The following AMER1 variants were observed in gnomAD, a reference collection of about 807,000 sequenced individuals.
The protein encoded by AMER1 is RP11-403E24.2.
Under a neutral mutation model 53.0 loss-of-function variants are expected in AMER1, and 16 were observed. That is an observed-to-expected ratio of 0.30 (90% CI 0.20 to 0.46). AMER1 has a LOEUF of 0.46. AMER1 is among the 20% of genes least tolerant of loss of function. The probability of loss-of-function intolerance (pLI) is 1.00; values close to 1 mark genes in which losing one functional copy is unlikely to be tolerated. For missense variants in AMER1, 947 were observed against 884.9 expected (o/e 1.07, Z -0.89); for synonymous variants, 354 against 331.9 (o/e 1.07, Z -0.73).
rs1275105010 is a variant in AMER1, at chrX:64,190,072, A to T, written c.3215T>A (p.Leu1072Gln). 1 of 1,205,181 alleles carries T rather than the reference A, an allele frequency of 8.3e-7. No homozygotes were observed. Among genetic ancestry groups the T allele is most frequent in the African/African-American group, 1.7e-5 (1 of 57,675 alleles). ...GATGCCCACAGGCTTGGCCTGTGGT[A>T]GAGGGCTGGGGCTGAAGCCTCCAGA... ...SSSGGFSPSP[L>Q]PQAKPVGITH... The change falls in exon 2 of 2, where the codon CTA becomes CAA. Residue 1072 changes from leucine (L) to glutamine (Q), a missense_variant. Transcript: ENST00000374869.
rs1207642959 is a variant in AMER1 at position 64,188,976 on chromosome X, A to C, written c.*903T>G. The stretch of plus-strand genomic sequence containing the variant: ...AGTCACAAGCTTAAAAGAAGGAAAA[A>C]AAATCCTATCATTCCGGAGCTCAAC... On this transcript the variant is annotated 3_prime_UTR_variant, in exon 2 of 2. Coordinates refer to ENST00000374869, the MANE Select transcript of AMER1 (RefSeq NM_152424.4). The C allele has an allele frequency of 2.5e-6, 2 of 806,296 alleles. No individual in the cohort carries two copies. Among genetic ancestry groups the C allele is most frequent in the African/African-American group, 4.4e-5 (2 of 45,763 alleles). 66.4% of individuals were successfully genotyped at this position (806,296 alleles called of 1,213,427 possible). A position where few individuals can be genotyped will look rare whatever the true frequency, so the allele number is the denominator to read the frequency against.
rs1183734083 is a variant in AMER1, at chrX:64,185,226, A to G, written c.*4653T>C. 1 of 158,797 alleles carries G rather than the reference A, an allele frequency of 6.3e-6. No homozygotes were observed. The highest frequency in any genetic ancestry group is 3.0e-5 in the African/African-American group (1 of 33,028). The allele number at this position is 158,797 out of a possible 1,213,427, so 13.1% of individuals were successfully genotyped here. Reference sequence around the variant, plus strand: ...AGATATCCAGATGTCAGTGAGAGCTAGAAGTGGAGAGGTCAGAACCCGGGT... The same window carrying G: ...AGATATCCAGATGTCAGTGAGAGCTGGAAGTGGAGAGGTCAGAACCCGGGT... On this transcript the variant is annotated 3_prime_UTR_variant, in exon 2 of 2. Coordinates refer to ENST00000374869, the MANE Select transcript of AMER1 (RefSeq NM_152424.4).
intron 1 of AMER1, among the ~76,000 whole-genome samples, chrX:64,203,040 A>G (rs1437845548): frequency 9.0e-6 from 1 of 111,453 alleles, no homozygotes. Flanking sequence ...GGGTCTGCTT[A>G]TGCTTTGCCT....
At position 64,192,396 on chromosome X, in the gene AMER1, C is replaced by T. The variant is rs770015112; in HGVS notation, c.891G>A (p.Glu297=). Residue 297 remains glutamate (E), a synonymous_variant, in exon 2 of 2, where the codon GAG becomes GAA. Transcript: ENST00000374869. The stretch of plus-strand genomic sequence containing the variant: ...CCACAGGGCCATTGGGTGGGTTTAC[C>T]TCTCCTGCTACTACCTTCTCCCCTG... ...PETGEKVVAG[E]VNPPNGPVGD... is the part of the protein sequence containing the mutation. The T allele has an allele frequency of 1.6e-6, 2 of 1,212,233 alleles. No individual in the cohort carries two copies. Among genetic ancestry groups the T allele is most frequent in the Non-Finnish European group, 2.2e-6 (2 of 895,546 alleles).
chrX:64,189,793 A>AGGGGGGGGGG lies in AMER1; in HGVS notation c.*85_*86insCCCCCCCCCC. 23 of 291,987 alleles carry AGGGGGGGGGG rather than the reference A, an allele frequency of 7.9e-5. No individual in the cohort carries two copies. The highest frequency in any genetic ancestry group is 9.8e-5 in the Non-Finnish European group (20 of 204,752). 24.1% of individuals were successfully genotyped at this position (291,987 alleles called of 1,213,427 possible). ...CAAAGGGTTTTCAAGTTAAACAACA[A>AGGGGGGGGGG]CCCCCACCCCCCCACCCTTCTGCCC... On this transcript the variant is annotated 3_prime_UTR_variant, in exon 2 of 2. Coordinates refer to ENST00000374869, the MANE Select transcript of AMER1 (RefSeq NM_152424.4).
intron 1 of AMER1, among the ~76,000 whole-genome samples, chrX:64,201,820 A>C (rs1212501392): frequency 1.8e-5 from 2 of 111,588 alleles, no homozygotes; most frequent in South Asian, 3.8e-4. Context: ...ACGAGTGGAG[A>C]TGTAACAGTT....
chrX:64,188,167 T>A lies in AMER1; in HGVS notation c.*1712A>T, dbSNP rs1930145309. The A allele has an allele frequency of 1.2e-6, 1 of 802,246 alleles. No individual in the cohort carries two copies. Among genetic ancestry groups the A allele is most frequent in the Admixed American group, 7.7e-5 (1 of 13,028 alleles). 66.1% of individuals were successfully genotyped at this position (802,246 alleles called of 1,213,427 possible). ...TGTTCCCAAGCTAAATTGCCATATC[T>A]CAGGAATGGCAAGAACCCTGTTGAC... On this transcript the variant is annotated 3_prime_UTR_variant, in exon 2 of 2. Coordinates refer to ENST00000374869, the MANE Select transcript of AMER1 (RefSeq NM_152424.4).
chrX:64,189,796 C>CCCCCCCCCCCCA lies in AMER1; in HGVS notation c.*82_*83insTGGGGGGGGGGG. ...AGGGTTTTCAAGTTAAACAACAACCCCCACCCCCCCACCCTTCTGCCCAAC... is the reference window on the plus strand; with the variant it reads ...AGGGTTTTCAAGTTAAACAACAACCCCCCCCCCCCCCACCACCCCCCCACCCTTCTGCCCAAC... On this transcript the variant is annotated 3_prime_UTR_variant, in exon 2 of 2. Transcript: ENST00000374869. 8.1e-6 allele frequency: 1 copy of CCCCCCCCCCCCA among 123,744 alleles called. No individual in the cohort carries two copies. The highest frequency in any genetic ancestry group is 1.4e-5 in the Non-Finnish European group (1 of 72,712). The allele number at this position is 123,744 out of a possible 1,213,427, so 10.2% of individuals were successfully genotyped here.
rs1018461223 is a variant in AMER1 at position 64,186,849 on chromosome X, C to T, written c.*3030G>A. The T allele has an allele frequency of 7.8e-6, 6 of 771,314 alleles. No homozygotes were observed. The highest frequency in any genetic ancestry group is 8.4e-5 in the Admixed American group (1 of 11,876). 63.6% of individuals were successfully genotyped at this position (771,314 alleles called of 1,213,427 possible). On this transcript the variant is annotated 3_prime_UTR_variant, in exon 2 of 2. Coordinates refer to ENST00000374869, the MANE Select transcript of AMER1 (RefSeq NM_152424.4). ...AGGCCTACTAGGTGGCCTTCTCTAT[C>T]CACATTCACTGGTCCTCCAAGGACC...
At position 64,185,893 on chromosome X, in the gene AMER1, C is replaced by A; in HGVS notation, c.*3986G>T. On this transcript the variant is annotated 3_prime_UTR_variant, in exon 2 of 2. Transcript: ENST00000374869. The stretch of plus-strand genomic sequence containing the variant: ...TGGGGAAAGGGGACATGGTTGAAAC[C>A]CCCTTCCTTCCCCATTGGGTGGAGA... The A allele has an allele frequency of 2.8e-6, 1 of 352,278 alleles. No homozygotes were observed. 29.0% of individuals were successfully genotyped at this position (352,278 alleles called of 1,213,427 possible).
intron 1 of AMER1, among the ~76,000 whole-genome samples, chrX:64,197,218 T>TA (rs778598682): frequency 1.0e-3 from 113 of 112,403 alleles, no homozygotes; most frequent in Admixed American, 9.0e-3. Context: ...GGCTGGGGGT[T>TA]AAGAGAACCC....
chrX:64,186,641 C>T lies in AMER1; in HGVS notation c.*3238G>A. The T allele has an allele frequency of 1.3e-6, 1 of 773,536 alleles. No homozygotes were observed. The highest frequency in any genetic ancestry group is 1.5e-6 in the Non-Finnish European group (1 of 650,696). The allele number at this position is 773,536 out of a possible 1,213,427, so 63.7% of individuals were successfully genotyped here. ...CTCCTGAGTGTGTGAAGCTACTTCC[C>T]TTCTTGGCATAGGACTAAGGAGGGA... On this transcript the variant is annotated 3_prime_UTR_variant, in exon 2 of 2. Coordinates refer to ENST00000374869, the MANE Select transcript of AMER1 (RefSeq NM_152424.4).
Position 64,187,637 on chromosome X carries a change from T to C in AMER1, c.*2242A>G. Reference sequence around the variant, plus strand: ...CCTGCTGTGGCTGGCACAGTCCACATGTAGACAGGAGCTCAAGCTGCCCTG... The same window carrying C: ...CCTGCTGTGGCTGGCACAGTCCACACGTAGACAGGAGCTCAAGCTGCCCTG... On this transcript the variant is annotated 3_prime_UTR_variant, in exon 2 of 2. Transcript: ENST00000374869. The C allele has an allele frequency of 1.3e-6, 1 of 775,783 alleles. No homozygotes were observed. Among genetic ancestry groups the C allele is most frequent in the South Asian group, 6.7e-5 (1 of 15,007 alleles). The allele number at this position is 775,783 out of a possible 1,213,427, so 63.9% of individuals were successfully genotyped here. A position where few individuals can be genotyped will look rare whatever the true frequency, so the allele number is the denominator to read the frequency against.
rs1930203823 is a variant in AMER1 at position 64,189,919 on chromosome X, C to A, written c.3368G>T (p.Ser1123Ile). Residue 1123 changes from serine to isoleucine, a missense_variant, in exon 2 of 2, where the codon AGC (serine) becomes ATC (isoleucine). Ser to Ile is a moderately radical substitution (Grantham distance 142). Transcript: ENST00000374869. The stretch of plus-strand genomic sequence containing the variant: ...TCCATTCATGGCAGTGGAGGAGTAG[C>A]TGGTGGCAAGAGAGGCACCTTGCTC... Reference protein sequence around the residue: ...RAEQGASLATSYSSTAMNGNL... With the variant: ...RAEQGASLATIYSSTAMNGNL... 8.3e-7 allele frequency: 1 copy of A among 1,206,229 alleles called. No homozygotes were observed. Among genetic ancestry groups the A allele is most frequent in the South Asian group, 1.8e-5 (1 of 56,109 alleles).
intron 1 of AMER1, among the ~76,000 whole-genome samples, chrX:64,194,209 A>G (rs779260745): frequency 1.4e-4 from 16 of 111,528 alleles, no homozygotes; most frequent in African/African-American, 4.9e-4. Context: ...GCGGTCATCA[A>G]TGGAACCCCA....
intron 1 of AMER1, among the ~76,000 whole-genome samples, chrX:64,202,647 G>A (rs968802914): frequency 1.8e-5 from 2 of 111,426 alleles, no homozygotes; most frequent in African/African-American, 6.5e-5. Context: ...CAATGCCAAA[G>A]GGAGGCTGAC....
rs1192151991 is a variant in AMER1, at chrX:64,190,953, G to A, written c.2334C>T (p.Ser778=). The change falls in exon 2 of 2, where the codon AGC becomes AGT. Residue 778 remains serine, a synonymous_variant. Coordinates refer to ENST00000374869, the MANE Select transcript of AMER1 (RefSeq NM_152424.4). ...SFSQALVEFT[S]NGNLFSSMSC... is the part of the protein sequence containing the mutation. ...ACATGCTGGAAAAGAGGTTCCCATT[G>A]CTGGTGAACTCTACCAGGGCCTGTG... 8.3e-7 allele frequency: 1 copy of A among 1,209,604 alleles called. No homozygotes were observed. Among genetic ancestry groups the A allele is most frequent in the African/African-American group, 1.7e-5 (1 of 57,146 alleles).
At position 64,190,275 on chromosome X, in the gene AMER1, T is replaced by C. The variant is rs1406708835; in HGVS notation, c.3012A>G (p.Ser1004=). 8.3e-7 allele frequency: 1 copy of C among 1,211,380 alleles called. No homozygotes were observed. The highest frequency in any genetic ancestry group is 2.2e-5 in the Admixed American group (1 of 46,063). ...CCIPPMTMSI[S]LSVPESRAPG... ...GTGCCCTTGACTCTGGCACTGATAG[T>C]GATATTGACATGGTCATAGGAGGTA... Residue 1004 remains serine, a synonymous_variant, in exon 2 of 2, where the codon TCA becomes TCG. Coordinates refer to ENST00000374869, the MANE Select transcript of AMER1 (RefSeq NM_152424.4).
rs1185778621 is a variant in AMER1, at chrX:64,189,640, C to CA, written c.*238dup. 7 of 984,287 alleles carry CA rather than the reference C, an allele frequency of 7.1e-6. No individual in the cohort carries two copies. Among genetic ancestry groups the CA allele is most frequent in the African/African-American group, 2.1e-5 (1 of 48,144 alleles). The allele number at this position is 984,287 out of a possible 1,213,427, so 81.1% of individuals were successfully genotyped here. On this transcript the variant is annotated 3_prime_UTR_variant, in exon 2 of 2. Coordinates refer to ENST00000374869, the MANE Select transcript of AMER1 (RefSeq NM_152424.4). ...GGGTCACAAGAAGAAACCTCGAAAGCAAAAACTGGAGTGCAGTAGCAGCAG... is the reference window on the plus strand; with the variant it reads ...GGGTCACAAGAAGAAACCTCGAAAGCAAAAAACTGGAGTGCAGTAGCAGCAG...
Sources: gnomAD v4.1 joint callset for allele counts (sites outside exome capture counted in the v4.1 genomes callset) on GRCh38, gnomAD v4.1.1 for gene constraint, MANE v1.5 for transcripts, NCBI Gene and HGNC (gene_info 2026-07-23, HGNC 2026-07-21) for gene names.